Variants in UNC13C observed in about 807,000 individuals in gnomAD.
The protein encoded by UNC13C is unc-13 homolog C.
A neutral mutation model predicts 245.4 loss-of-function variants in UNC13C; 174 were observed. That is an observed-to-expected ratio of 0.71 (90% CI 0.63 to 0.80). The LOEUF (loss-of-function observed/expected upper bound fraction) is 0.80. Among genes scored for constraint, UNC13C ranks in the 30% least tolerant of loss-of-function variants. The probability of loss-of-function intolerance (pLI) is 0.00; values close to 1 mark genes in which losing one functional copy is unlikely to be tolerated. For missense variants in UNC13C, 2,829 were observed against 2,602.9 expected (o/e 1.09, Z -1.89); for synonymous variants, 992 against 895.1 (o/e 1.11, Z -1.93).
rs1460100162 is a variant in UNC13C at position 54,500,170 on chromosome 15, G to C, written c.5152G>C (p.Asp1718His). The change falls in exon 21 of 33, where the codon GAT becomes CAT. Residue 1718 changes from aspartate (D) to histidine (H), a missense_variant. Physicochemically the swap from Asp to His is moderately conservative, Grantham distance 81. Transcript: ENST00000260323. ...LHGALGRDKK[D>H]GFQQTSEHAL... ...TGGAGCACTGGGAAGAGACAAAAAA[G>C]ATGGAGTGAGTTTAAATTACCTTAA... The C allele has an allele frequency of 6.2e-7, 1 of 1,607,308 alleles. No homozygotes were observed. Among genetic ancestry groups the C allele is most frequent in the Non-Finnish European group, 8.5e-7 (1 of 1,176,768 alleles).
intron 18 of UNC13C, among the ~76,000 whole-genome samples, chr15:54,405,735 G>T (rs990554380): frequency 1.3e-5 from 2 of 151,884 alleles, no homozygotes; most frequent in South Asian, 2.1e-4. Context: ...TTCCAGTACC[G>T]GCTTTCCTCT....
rs1312660737 is a variant in UNC13C at position 54,386,039 on chromosome 15, T to C, written c.4714-7009T>C. Among the ~76,000 whole-genome samples the C allele has an allele frequency of 4.6e-5, 7 of 152,176 alleles. No homozygotes were observed. The East Asian group carries it at 9.6e-4, about 21-fold the overall frequency. The stretch of plus-strand genomic sequence containing the variant: ...TCATTTTGTTCCCTGAAAGCTTTTC[T>C]TCTCATTCAAGATATATAACACAAA... On this transcript the variant is annotated intron_variant, in intron 17 of 32. Transcript: ENST00000260323.
At chr15:54,413,063 G>T (rs2040446532) in intron 18 of UNC13C, among the ~76,000 whole-genome samples, 1 of 152,042 alleles carries the variant, frequency 6.6e-6, no homozygotes, top group African/African-American at 2.4e-5. Context: ...TAACAATATG[G>T]TAAATTATGT....
intron 2 of UNC13C, among the ~76,000 whole-genome samples, chr15:54,118,428 T>G (rs967904901): frequency 9.2e-5 from 14 of 152,142 alleles, no homozygotes; most frequent in African/African-American, 3.4e-4. Flanking sequence ...TTGGATTGCT[T>G]TCTTGATTTT....
At chr15:53,959,521 G>A in the UNC13C span, among the ~76,000 whole-genome samples, 11 of 152,080 alleles carry the variant, frequency 7.2e-5, no homozygotes, top group Non-Finnish European at 1.0e-4. Flanking sequence ...GTTCATGCTC[G>A]TGTTGGTGGT....
intron 17 of UNC13C, among the ~76,000 whole-genome samples, chr15:54,392,629 G>A (rs997908755): frequency 6.6e-6 from 1 of 151,524 alleles, no homozygotes; most frequent in African/African-American, 2.4e-5. Flanking sequence ...TAAATTTTAT[G>A]CATACACACA....
intron 2 of UNC13C, among the ~76,000 whole-genome samples, chr15:54,045,183 C>G (rs1021714402): frequency 3.9e-5 from 6 of 151,934 alleles, no homozygotes; most frequent in Admixed American, 2.0e-4. Context: ...ATGTTTTCTT[C>G]TAAGAGTTTT....
intron 2 of UNC13C, among the ~76,000 whole-genome samples, chr15:54,056,173 G>T (rs1260813457): frequency 6.6e-6 from 1 of 152,042 alleles, no homozygotes; most frequent in Non-Finnish European, 1.5e-5. Context: ...AGCTAAAGGA[G>T]GAAGTTTGAA....
chr15:53,845,064 G>A, the UNC13C span, among the ~76,000 whole-genome samples: 5 of 152,228 alleles, frequency 3.3e-5, no homozygotes, highest in East Asian at 3.9e-4. Context: ...AGTGGCTCAC[G>A]TCTGAAATCC....
chr15:54,463,585 G>A (rs1892001123), intron 19 of UNC13C, among the ~76,000 whole-genome samples: 1 of 152,036 alleles, frequency 6.6e-6, no homozygotes, highest in African/African-American at 2.4e-5. Flanking sequence ...AAGGTCTGCA[G>A]CTTCACTCCT....
chr15:54,182,872 T>C (rs770524487), intron 4 of UNC13C, among the ~76,000 whole-genome samples: 10 of 152,020 alleles, frequency 6.6e-5, no homozygotes, highest in Non-Finnish European at 1.2e-4. Context: ...AAAGAAATGA[T>C]ATACAGCCTA....
chr15:54,285,773 A>G (rs945769649), intron 10 of UNC13C, among the ~76,000 whole-genome samples: 1 of 151,840 alleles, frequency 6.6e-6, no homozygotes, highest in Non-Finnish European at 1.5e-5. Flanking sequence ...TCTATCACCT[A>G]TATTTTGATA....
chr15:53,906,095 A>G, the UNC13C span, among the ~76,000 whole-genome samples: 1 of 152,138 alleles, frequency 6.6e-6, no homozygotes, highest in Non-Finnish European at 1.5e-5. Context: ...GCACTTTGGG[A>G]GGCCGAGGCG....
intron 2 of UNC13C, among the ~76,000 whole-genome samples, chr15:54,028,509 G>A (rs896864818): frequency 1.3e-5 from 2 of 152,032 alleles, no homozygotes; most frequent in Admixed American, 6.6e-5. Context: ...AGGGCAAAAT[G>A]ACAGCGAGCC....
chr15:54,048,052 A>C (rs1897115905), intron 2 of UNC13C, among the ~76,000 whole-genome samples: 1 of 152,298 alleles, frequency 6.6e-6, no homozygotes, highest in Middle Eastern at 3.4e-3. Context: ...TTTTACGTTA[A>C]ATACACAGCA....
At chr15:54,151,833 A>G (rs562814650) in intron 4 of UNC13C, among the ~76,000 whole-genome samples, 1 of 143,470 alleles carries the variant, frequency 7.0e-6, no homozygotes, top group East Asian at 2.1e-4. Context: ...GGAGCGTTCC[A>G]TAATGGATCT....
chr15:54,597,419 A>G (rs556192597), intron 30 of UNC13C, among the ~76,000 whole-genome samples: 7 of 152,278 alleles, frequency 4.6e-5, no homozygotes, highest in Non-Finnish European at 1.0e-4. Context: ...CACCGAACCT[A>G]CAGGCCAAAG....
At chr15:53,858,202 G>C in the UNC13C span, among the ~76,000 whole-genome samples, 1 of 152,018 alleles carries the variant, frequency 6.6e-6, no homozygotes. Flanking sequence ...CCATCAATTG[G>C]AACTCTATAA....
intron 18 of UNC13C, among the ~76,000 whole-genome samples, chr15:54,413,420 A>G (rs1178455337): frequency 6.6e-6 from 1 of 152,160 alleles, no homozygotes; most frequent in East Asian, 1.9e-4. Flanking sequence ...ATAAAATCTA[A>G]TGTACTACAA....
Sources: allele counts gnomAD v4.1 joint callset (sites outside exome capture counted in the v4.1 genomes callset), GRCh38; gene constraint gnomAD v4.1.1; transcripts MANE v1.5; gene names NCBI Gene and HGNC (gene_info 2026-07-23, HGNC 2026-07-21).